Variants in DDX60 observed in about 807,000 individuals in gnomAD.
The protein encoded by DDX60 is DExD/H-box helicase 60.
A neutral mutation model predicts 212.8 loss-of-function variants in DDX60; 165 were observed. That is an observed-to-expected ratio of 0.78 (90% CI 0.68 to 0.88). The LOEUF (loss-of-function observed/expected upper bound fraction) is 0.88, where lower values mean the gene tolerates loss of function less well. Among genes scored for constraint, DDX60 ranks in the 40% least tolerant of loss-of-function variants. DDX60 has a pLI of 0.00. For missense variants in DDX60, 1,905 were observed against 2,003.9 expected (o/e 0.95, Z 0.94); for synonymous variants, 703 against 685.3 (o/e 1.03, Z -0.40).
intron 5 of DDX60, among the ~76,000 whole-genome samples, chr4:168,304,355 A>C: frequency 6.6e-6 from 1 of 152,104 alleles, no homozygotes; most frequent in Admixed American, 6.5e-5. Flanking sequence ...TTTAAGAAAA[A>C]AGCTTAAAAA....
upstream of DDX60, among the ~76,000 whole-genome samples, chr4:168,321,630 T>C (rs1737611846): frequency 6.6e-6 from 1 of 152,188 alleles, no homozygotes; most frequent in South Asian, 2.1e-4. Context: ...CTCTCCAGCT[T>C]TCTGATAACT....
At chr4:168,284,534 T>C (rs1735734897) in intron 12 of DDX60, among the ~76,000 whole-genome samples, 1 of 152,176 alleles carries the variant, frequency 6.6e-6, no homozygotes, top group African/African-American at 2.4e-5. Flanking sequence ...TCTCAATATA[T>C]ATGACTCCAA....
At chr4:168,306,319 C>G in intron 5 of DDX60, 60 bp downstream of exon 5, 6 of 1,324,404 alleles carry the variant, frequency 4.5e-6, no homozygotes, top group Non-Finnish European at 6.2e-6. Context: ...AAAACTGAGT[C>G]AAGTAACTTA....
chr4:168,288,375 G>C (rs1207368598), intron 8 of DDX60, 60 bp from the exon 9 acceptor site: 2 of 1,193,750 alleles, frequency 1.7e-6, no homozygotes, highest in Non-Finnish European at 2.4e-6. Flanking sequence ...TAAACTATAG[G>C]GTTCATATGC....
chr4:168,283,752 A>G, intron 12 of DDX60, 146 bp from the exon 13 acceptor site: 4 of 631,622 alleles, frequency 6.3e-6, no homozygotes, highest in Non-Finnish European at 5.2e-6. Flanking sequence ...AGAACGTAAA[A>G]TCAAGTTAAT....
intron 19 of DDX60, among the ~76,000 whole-genome samples, chr4:168,271,532 C>T (rs1735096496): frequency 6.6e-6 from 1 of 152,206 alleles, no homozygotes; most frequent in African/African-American, 2.4e-5. Flanking sequence ...CCCCTTTAAG[C>T]CAAGGGGCAA....
intron 10 of DDX60, among the ~76,000 whole-genome samples, chr4:168,286,591 C>A (rs554155405): frequency 6.6e-6 from 1 of 152,022 alleles, no homozygotes; most frequent in African/African-American, 2.4e-5. Flanking sequence ...CTGCGTTTGT[C>A]GGGATCCTTT....
At position 168,252,602 on chromosome 4, in the gene DDX60, T is replaced by G; in HGVS notation, c.3612A>C (p.Glu1204Asp). ...TRNVDQSLIH[E>D]AEHDNLVKCL... The stretch of plus-strand genomic sequence containing the variant: ...ACTTCACTAGATTATCATGTTCAGC[T>G]TCATGTATTAGGCTTTGATCCACAT... The change falls in exon 27 of 38, where the codon GAA becomes GAC. Residue 1204 changes from glutamate (E) to aspartate (D), a missense_variant. Physicochemically the swap from Glu to Asp is conservative, Grantham distance 45. Transcript: ENST00000393743. The G allele has an allele frequency of 6.2e-7, 1 of 1,613,732 alleles. No homozygotes were observed. The highest frequency in any genetic ancestry group is 8.5e-7 in the Non-Finnish European group (1 of 1,179,748).
At chr4:168,279,396 T>A (rs1291432685) in intron 14 of DDX60, among the ~76,000 whole-genome samples, 1 of 152,368 alleles carries the variant, frequency 6.6e-6, no homozygotes, top group East Asian at 1.9e-4. Context: ...GCCTTGACTA[T>A]GGCATCATTC....
chr4:168,220,557 A>G (rs1471074453), intron 37 of DDX60, 98 bp downstream of exon 37: 2 of 669,166 alleles, frequency 3.0e-6, no homozygotes, highest in Non-Finnish European at 5.0e-6. Context: ...GCTTAATGGC[A>G]CCTTCATGTA....
At chr4:168,285,289 C>G in intron 11 of DDX60, 104 bp downstream of exon 11, 1 of 728,300 alleles carries the variant, frequency 1.4e-6, no homozygotes. Flanking sequence ...CAAACACATA[C>G]TACATGTAAT....
chr4:168,222,316 A>C (rs1399976626), intron 35 of DDX60, among the ~76,000 whole-genome samples: 1 of 152,176 alleles, frequency 6.6e-6, no homozygotes, highest in Non-Finnish European at 1.5e-5. Flanking sequence ...AAAAGGAGGA[A>C]GAAGGAAAAC....
At chr4:168,259,943 G>A (rs1405900406) in intron 25 of DDX60, among the ~76,000 whole-genome samples, 3 of 151,692 alleles carry the variant, frequency 2.0e-5, no homozygotes, top group Non-Finnish European at 4.4e-5. Flanking sequence ...GTTTTGCAAA[G>A]AACCTTTATG....
intron 13 of DDX60, among the ~76,000 whole-genome samples, chr4:168,283,228 C>T (rs1358090346): frequency 1.3e-5 from 2 of 152,068 alleles, no homozygotes; most frequent in African/African-American, 4.8e-5. Flanking sequence ...CAAAGAGATA[C>T]ATATGTTATT....
chr4:168,308,507 T>C (rs529844911), intron 3 of DDX60, among the ~76,000 whole-genome samples: 1 of 152,102 alleles, frequency 6.6e-6, no homozygotes, highest in African/African-American at 2.4e-5. Context: ...ATTTTATGCT[T>C]AATCAACCTC....
At chr4:168,244,089 T>C (rs543360064) in intron 30 of DDX60, among the ~76,000 whole-genome samples, 1 of 152,170 alleles carries the variant, frequency 6.6e-6, no homozygotes, top group East Asian at 1.9e-4. Flanking sequence ...GAACAACACA[T>C]ACCAGGGCCT....
rs375688526 is a variant in DDX60 at position 168,216,894 on chromosome 4, T to C, written c.*39A>G. On this transcript the variant is annotated 3_prime_UTR_variant, in exon 38 of 38. Transcript: ENST00000393743. ...TCAAAAACGTGACCTGAAAAACTAC[T>C]ATGGAATTATTTTTAAGTGGTTTGC... 95 of 1,316,890 alleles carry C rather than the reference T, an allele frequency of 7.2e-5. No homozygotes were observed. Among genetic ancestry groups the C allele is most frequent in the Non-Finnish European group, 1.0e-4 (95 of 948,592 alleles). 81.6% of individuals were successfully genotyped at this position (1,316,890 alleles called of 1,614,324 possible). A position where few individuals can be genotyped will look rare whatever the true frequency, so the allele number is the denominator to read the frequency against.
intron 14 of DDX60, among the ~76,000 whole-genome samples, chr4:168,277,072 G>A (rs1023398262): frequency 2.0e-5 from 3 of 152,230 alleles, no homozygotes; most frequent in African/African-American, 7.2e-5. Flanking sequence ...AGAACTGTCA[G>A]TTTGGAGGTA....
At chr4:168,232,630 G>T (rs927415810) in intron 33 of DDX60, among the ~76,000 whole-genome samples, 1 of 151,798 alleles carries the variant, frequency 6.6e-6, no homozygotes, top group African/African-American at 2.4e-5. Context: ...TATTCAACAC[G>T]TGGTGCTGGG....
Sources: allele counts gnomAD v4.1 joint callset (sites outside exome capture counted in the v4.1 genomes callset), GRCh38; gene constraint gnomAD v4.1.1; transcripts MANE v1.5; gene names NCBI Gene and HGNC (gene_info 2026-07-23, HGNC 2026-07-21).